The following DNM3 variants were observed in gnomAD, a reference collection of about 807,000 sequenced individuals.
DNM3 encodes the protein dynamin-3.
DNM3 carries 47 observed loss-of-function variants against 101.6 expected under a neutral mutation model. The observed-to-expected ratio is 0.46, with a 90% CI of 0.37 to 0.59. DNM3 has a LOEUF of 0.59. Ranked by LOEUF, DNM3 falls within the 20% of genes least tolerant of loss-of-function variation. The pLI, the probability that DNM3 is intolerant of heterozygous loss-of-function variation, is 0.00. For synonymous variants in DNM3, 385 were observed against 387.9 expected (o/e 0.99, Z 0.09); for missense variants, 849 against 1,085.7 (o/e 0.78, Z 3.06).
At chr1:172,370,772 ATCATTTATT>A (rs2068280790) in intron 17 of DNM3, among the ~76,000 whole-genome samples, 1 of 151,944 alleles carries the variant, frequency 6.6e-6, no homozygotes, top group Non-Finnish European at 1.5e-5. Flanking sequence ...TCCATACCAT[ATCATTTATT>A]TCTCCCTGTA....
chr1:172,386,410 C>T (rs1469830856), intron 18 of DNM3, among the ~76,000 whole-genome samples: 2 of 152,056 alleles, frequency 1.3e-5, no homozygotes, highest in African/African-American at 4.8e-5. Context: ...ACAAAATGCC[C>T]CTCCCCCTGA....
At chr1:172,092,618 G>C (rs1335854024) in intron 12 of DNM3, among the ~76,000 whole-genome samples, 3 of 151,952 alleles carry the variant, frequency 2.0e-5, no homozygotes, top group East Asian at 1.9e-4. Flanking sequence ...TTATATTTTT[G>C]GTTTATATGC....
chr1:172,251,643 A>C (rs2062174249), intron 14 of DNM3, among the ~76,000 whole-genome samples: 1 of 152,068 alleles, frequency 6.6e-6, no homozygotes, highest in African/African-American at 2.4e-5. Context: ...GGTCTTCACG[A>C]TATGCTAAAG....
intron 16 of DNM3, among the ~76,000 whole-genome samples, chr1:172,313,407 A>G (rs73046816): frequency 0.026 from 4,007 of 152,318 alleles, 150 homozygotes; most frequent in African/African-American, 0.084. Context: ...TGTGAATTTG[A>G]TTTAATATCT....
chr1:172,227,336 G>A (rs1009062463), intron 14 of DNM3, among the ~76,000 whole-genome samples: 1 of 133,868 alleles, frequency 7.5e-6, no homozygotes, highest in Non-Finnish European at 1.6e-5. Context: ...GTCAGATGAT[G>A]GCCACTTAGG....
At chr1:172,321,757 A>G (rs1557993100) in intron 16 of DNM3, among the ~76,000 whole-genome samples, 1 of 152,208 alleles carries the variant, frequency 6.6e-6, no homozygotes, top group East Asian at 1.9e-4. Context: ...CAAAAGCTGC[A>G]CTGCTGTGGA....
chr1:171,871,271 A>C (rs1250358065), intron 1 of DNM3, among the ~76,000 whole-genome samples: 1 of 152,242 alleles, frequency 6.6e-6, no homozygotes, highest in East Asian at 1.9e-4. Flanking sequence ...ATTGACAGGA[A>C]GCATTGCTGT....
At position 172,387,192 on chromosome 1, in the gene DNM3, T is replaced by C; in HGVS notation, c.2118T>C (p.Asn706=). 1.2e-6 allele frequency: 2 copies of C among 1,613,970 alleles called. No individual in the cohort carries two copies. Among genetic ancestry groups the C allele is most frequent in the African/African-American group, 1.3e-5 (1 of 75,034 alleles). Residue 706 remains asparagine, a synonymous_variant, in exon 19 of 21, where the codon AAT becomes AAC. Transcript: ENST00000627582. ...LAQLYSSEDQ[N]TLMEESAEQA... ...AGTTGTATTCTTCAGAGGACCAAAA[T>C]ACCCTGATGGAGGAATCTGCTGAGC...
intron 2 of DNM3, among the ~76,000 whole-genome samples, chr1:171,986,682 G>A (rs1370061866): frequency 6.6e-6 from 1 of 150,630 alleles, no homozygotes; most frequent in Non-Finnish European, 1.5e-5. Context: ...CCAGGCTGGA[G>A]TGCAGTGGCA....
At chr1:172,080,652 T>G (rs901068295) in intron 11 of DNM3, among the ~76,000 whole-genome samples, 23 of 152,148 alleles carry the variant, frequency 1.5e-4, no homozygotes, top group Admixed American at 2.0e-4. Context: ...CTTGCTGGCA[T>G]TCCAGGTGCC....
chr1:172,055,417 TAC>T (rs139632491), intron 10 of DNM3, among the ~76,000 whole-genome samples: 25 of 150,040 alleles, frequency 1.7e-4, no homozygotes, highest in Admixed American at 3.3e-4. Flanking sequence ...TTCCCACAAA[TAC>T]ACACACACAC....
In DNM3 at chr1:172,054,613, GAA is replaced by G. The variant is rs201859721; in HGVS notation, c.1335+5871_1335+5872del. 2.0e-5 allele frequency among the ~76,000 whole-genome samples: 3 copies of G among 149,628 alleles called. No individual in the cohort carries two copies. In the East Asian group the frequency reaches 5.8e-4, roughly 29 times the overall value. ...AATTAATTGATTTTTTTCTTGTTTAGAAAAAAAAAGTTTTGCAAGGAGAAAAA... is the reference window on the plus strand; with the variant it reads ...AATTAATTGATTTTTTTCTTGTTTAGAAAAAAAGTTTTGCAAGGAGAAAAA... On this transcript the variant is annotated intron_variant, in intron 10 of 20. Coordinates refer to ENST00000627582, the MANE Select transcript of DNM3 (RefSeq NM_015569.5).
intron 2 of DNM3, among the ~76,000 whole-genome samples, chr1:171,956,462 A>C (rs114692904): frequency 6.6e-6 from 1 of 152,156 alleles, no homozygotes; most frequent in East Asian, 1.9e-4. Context: ...ACACTGATAC[A>C]AGTGGGCTCC....
rs1019297736 is a variant in DNM3, at chr1:172,181,428, C to T, written c.1659+50140C>T. Among the ~76,000 whole-genome samples, 7 of 150,450 alleles carry T rather than the reference C, an allele frequency of 4.7e-5. No individual in the cohort carries two copies. In the South Asian group the frequency reaches 1.3e-3, roughly 27 times the overall value. On this transcript the variant is annotated intron_variant, in intron 14 of 20. Transcript: ENST00000627582. ...CACACACACACATATTTCTGGTAGG[C>T]GTGGAGATATATATCTATATATATC... is the stretch of plus-strand genomic sequence containing the variant.
chr1:171,942,224 T>TA (rs1553308109), intron 2 of DNM3, among the ~76,000 whole-genome samples: 2 of 148,544 alleles, frequency 1.3e-5, no homozygotes, highest in African/African-American at 5.1e-5. Context: ...TTTTTTTTTT[T>TA]ATGGAATAAG....
At chr1:172,397,750 C>T (rs2070131168) in intron 20 of DNM3, among the ~76,000 whole-genome samples, 2 of 63,838 alleles carry the variant, frequency 3.1e-5, no homozygotes, top group Non-Finnish European at 6.2e-5. Flanking sequence ...TTATAGATTT[C>T]ATTTTTTTTT....
At chr1:171,942,444 CAA>C (rs1446529863) in intron 2 of DNM3, among the ~76,000 whole-genome samples, 2 of 151,842 alleles carry the variant, frequency 1.3e-5, no homozygotes, top group Non-Finnish European at 2.9e-5. Flanking sequence ...AACACAACCT[CAA>C]AGGAATAAAA....
intron 1 of DNM3, among the ~76,000 whole-genome samples, chr1:171,914,748 A>C (rs1186715610): frequency 1.3e-5 from 2 of 152,172 alleles, no homozygotes; most frequent in Non-Finnish European, 2.9e-5. Context: ...TAGATGTAGG[A>C]TTGTTTTCTC....
At chr1:171,966,865 G>T (rs537571616) in intron 2 of DNM3, among the ~76,000 whole-genome samples, 83 of 152,334 alleles carry the variant, frequency 5.4e-4, no homozygotes, top group Middle Eastern at 3.4e-3. Flanking sequence ...ATTGGCTTAA[G>T]GTTTGTAGTT....
Sources: gnomAD v4.1 joint callset for allele counts (sites outside exome capture counted in the v4.1 genomes callset) on GRCh38, gnomAD v4.1.1 for gene constraint, MANE v1.5 for transcripts, NCBI Gene and HGNC (gene_info 2026-07-23, HGNC 2026-07-21) for gene names.